Variants in LEMD2 observed in about 807,000 individuals in gnomAD.
LEMD2 encodes LEM domain nuclear envelope protein 2.
Under a neutral mutation model 58.8 loss-of-function variants are expected in LEMD2, and 34 were observed. That is an observed-to-expected ratio of 0.58 (90% CI 0.44 to 0.77). The LOEUF is 0.77. Among genes scored for constraint, LEMD2 ranks in the 30% least tolerant of loss-of-function variants. LEMD2 has a pLI of 0.00. For synonymous variants in LEMD2, 298 were observed against 308.9 expected (o/e 0.96, Z 0.37); for missense variants, 629 against 717.9 (o/e 0.88, Z 1.42).
rs1767446422 is a variant in LEMD2 at position 33,777,040 on chromosome 6, A to G, written c.1275T>C (p.His425=). Residue 425 remains histidine (H), a synonymous_variant, in exon 8 of 9, where the codon CAT becomes CAC. Coordinates refer to ENST00000293760, the MANE Select transcript of LEMD2 (RefSeq NM_181336.4). ...CCATGTCCTGCTCCCAGTCCACGTA[A>G]TGGTCCTGGACCACGTCTGCAGGAG... ...VKKIIDVVQD[H]YVDWEQDMER... 3 of 1,614,000 alleles carry G rather than the reference A, an allele frequency of 1.9e-6. No individual in the cohort carries two copies. The African/African-American group carries it at 4.0e-5, about 22-fold the overall frequency.
chr6:33,788,431 A>C lies in LEMD2; in HGVS notation c.686T>G (p.Leu229Arg), dbSNP rs1767735429. The change falls in exon 1 of 9, where the codon CTT (leucine) becomes CGT (arginine). Residue 229 changes from leucine (L) to arginine (R), a missense_variant. Physicochemically the swap from Leu to Arg is moderately radical, Grantham distance 102. Around this residue, in one of 2 missense-constraint regions of LEMD2, gnomAD observed 386 missense variants for 381.1 expected, o/e 1.01. Transcript: ENST00000293760. The part of the protein sequence containing the change: ...LGLLLVFLGI[L>R]WVKMGKPSAP... ...TGAGGGCTTGCCCATCTTCACCCAA[A>C]GGATGCCCAGGAAGACGAGCAGTAG... The C allele has an allele frequency of 2.5e-6, 4 of 1,586,086 alleles. No individual in the cohort carries two copies. The highest frequency in any genetic ancestry group is 2.3e-5 in the East Asian group (1 of 43,186).
chr6:33,777,537 C>G (rs1238024915), intron 6 of LEMD2, among the ~76,000 whole-genome samples: 1 of 152,196 alleles, frequency 6.6e-6, no homozygotes, highest in South Asian at 2.1e-4. Flanking sequence ...CCTTGTGAAC[C>G]AGAACACAGT....
chr6:33,785,499 G>A (rs1005688319), intron 2 of LEMD2, among the ~76,000 whole-genome samples: 9 of 152,242 alleles, frequency 5.9e-5, no homozygotes, highest in African/African-American at 2.2e-4. Flanking sequence ...GAGCCTGAGT[G>A]TGTCCAGATC....
At chr6:33,773,838 T>C (rs1327445403) in intron 8 of LEMD2, among the ~76,000 whole-genome samples, 2 of 152,184 alleles carry the variant, frequency 1.3e-5, no homozygotes, top group Non-Finnish European at 2.9e-5. Flanking sequence ...CAGGCCCTCA[T>C]CTACAGGGCA....
intron 4 of LEMD2, chr6:33,780,405 T>C: frequency 3.5e-6 from 2 of 566,740 alleles, no homozygotes; most frequent in South Asian, 3.8e-5. Flanking sequence ...AGGAAAACAG[T>C]GCGGGTCTGA....
rs1767302812 is a variant in LEMD2 at position 33,771,856 on chromosome 6, TCCCAAGCTCC to T, written c.*762_*771del. ...GAGGCTCTGGGCCCTGACGCAGGGC[TCCCAAGCTCC>T]CGGAATCGGCGTTCTGGCTGCAGGC... On this transcript the variant is annotated 3_prime_UTR_variant, in exon 9 of 9. Transcript: ENST00000293760. 6.6e-6 allele frequency: 1 copy of T among 152,322 alleles called. No homozygotes were observed. The highest frequency in any genetic ancestry group is 2.4e-5 in the African/African-American group (1 of 41,448). The allele number at this position is 152,322 out of a possible 1,614,324, so 9.4% of individuals were successfully genotyped here.
At chr6:33,784,634 A>G (rs965107534) in intron 2 of LEMD2, 2 of 519,058 alleles carry the variant, frequency 3.9e-6, no homozygotes, top group Non-Finnish European at 7.0e-6. Context: ...AAGACCCTGG[A>G]GAAGCAGAGG....
intron 8 of LEMD2, among the ~76,000 whole-genome samples, chr6:33,774,126 A>G (rs1488102894): frequency 6.6e-6 from 1 of 151,624 alleles, no homozygotes; most frequent in Non-Finnish European, 1.5e-5. Context: ...AGCCCAAGGC[A>G]TAATGGCTAC....
rs959241642 is a variant in LEMD2 at position 33,771,715 on chromosome 6, C to G, written c.*913G>C. 6.6e-6 allele frequency: 1 copy of G among 152,258 alleles called. No individual in the cohort carries two copies. The highest frequency in any genetic ancestry group is 2.4e-5 in the African/African-American group (1 of 41,474). The allele number at this position is 152,258 out of a possible 1,614,324, so 9.4% of individuals were successfully genotyped here. ...GCAGCCACTGCGCCTCTCCCGCCGC[C>G]AAGAGCCGCGGCCGGGGTAACAGAA... On this transcript the variant is annotated 3_prime_UTR_variant, in exon 9 of 9. Coordinates refer to ENST00000293760, the MANE Select transcript of LEMD2 (RefSeq NM_181336.4).
chr6:33,777,694 C>T (rs527424196), intron 6 of LEMD2, among the ~76,000 whole-genome samples: 39 of 152,324 alleles, frequency 2.6e-4, no homozygotes, highest in African/African-American at 9.4e-4. Context: ...TCTGGAAAGC[C>T]GTGGTTTCTG....
intron 1 of LEMD2, 75 bp downstream of exon 1, chr6:33,788,306 G>A: frequency 1.4e-6 from 2 of 1,404,462 alleles, no homozygotes; most frequent in Non-Finnish European, 1.9e-6. Context: ...GCGGCCTGGC[G>A]CCGACAGGAA....
intron 8 of LEMD2, among the ~76,000 whole-genome samples, chr6:33,774,168 CTT>C (rs11349649): frequency 5.3e-4 from 61 of 115,338 alleles, no homozygotes; most frequent in Middle Eastern, 5.2e-3. Context: ...TAGGCACTGA[CTT>C]TTTTTTTTTT....
At chr6:33,776,765 A>G (rs1052364182) in intron 8 of LEMD2, 189 bp downstream of exon 8, 4 of 616,666 alleles carry the variant, frequency 6.5e-6, no homozygotes, top group Non-Finnish European at 1.2e-5. Context: ...TGTCTTTTCT[A>G]GCTCATCCTG....
At chr6:33,786,634 C>G (rs1209245013) in intron 2 of LEMD2, 100 bp downstream of exon 2, 1 of 881,510 alleles carries the variant, frequency 1.1e-6, no homozygotes, top group Non-Finnish European at 1.9e-6. Flanking sequence ...AGGAAGCACT[C>G]CCTGAAAATG....
At position 33,773,602 on chromosome 6, in the gene LEMD2, G is replaced by C. The variant is rs564977252; in HGVS notation, c.1362-824C>G. On this transcript the variant is annotated intron_variant, in intron 8 of 8. Transcript: ENST00000293760. ...GCCAGTGAGTCAGGAGGCGGGGGGG[G>C]GGCTAGGGCTTCCCCAGGGGTCAGG... 9.9e-5 allele frequency among the ~76,000 whole-genome samples: 15 copies of C among 151,702 alleles called. No homozygotes were observed. The South Asian group carries it at 1.1e-3, about 11-fold the overall frequency.
rs775169477 is a variant in LEMD2 at position 33,784,393 on chromosome 6, T to A, written c.812A>T (p.Glu271Val). 7.0e-7 allele frequency: 1 copy of A among 1,429,720 alleles called. No homozygotes were observed. Among genetic ancestry groups the A allele is most frequent in the African/African-American group, 1.7e-5 (1 of 60,458 alleles). 88.6% of individuals were successfully genotyped at this position (1,429,720 alleles called of 1,614,324 possible). ...CQAKQKAALL[E>V]LLHELYNFLA... ...GAAATTGTAGAGTTCATGCAGCAGC[T>A]CCAGCAAGGCTGCCTTCTGCTTGGC... is the stretch of plus-strand genomic sequence containing the variant. The change falls in exon 3 of 9, where the codon GAG (glutamate) becomes GTG (valine). Residue 271 changes from glutamate to valine, a missense_variant. Around this residue, in one of 2 missense-constraint regions of LEMD2, gnomAD observed 243 missense variants for 336.8 expected, o/e 0.72. Coordinates refer to ENST00000293760, the MANE Select transcript of LEMD2 (RefSeq NM_181336.4).
intron 4 of LEMD2, among the ~76,000 whole-genome samples, chr6:33,780,742 G>C (rs974857306): frequency 6.6e-6 from 1 of 152,110 alleles, no homozygotes; most frequent in African/African-American, 2.4e-5. Flanking sequence ...GTAATCATAC[G>C]GGGGAGAAGG....
At chr6:33,786,949 T>A in intron 1 of LEMD2, 175 bp from the exon 2 acceptor site, 2 of 1,392,764 alleles carry the variant, frequency 1.4e-6, no homozygotes, top group Middle Eastern at 1.8e-4. Context: ...AATGTAAGGG[T>A]ATCCAAATCC....
At chr6:33,784,688 A>G (rs1767636616) in intron 2 of LEMD2, 3 of 393,710 alleles carry the variant, frequency 7.6e-6, no homozygotes, top group Non-Finnish European at 1.4e-5. Context: ...TGCATCCCAG[A>G]GGCTCCTGGC....
Sources: gnomAD v4.1 joint callset for allele counts (sites outside exome capture counted in the v4.1 genomes callset) on GRCh38, gnomAD v4.1.1 for gene constraint, gnomAD v4.1.1 regional missense constraint, MANE v1.5 for transcripts, NCBI Gene and HGNC (gene_info 2026-07-23, HGNC 2026-07-21) for gene names.